FSTL4: variants seen among roughly 807,000 people sequenced by gnomAD.
The protein encoded by FSTL4 is follistatin like 4.
Under a neutral mutation model 78.2 loss-of-function variants are expected in FSTL4, and 28 were observed. That is an observed-to-expected ratio of 0.36 (90% CI 0.27 to 0.49). FSTL4 has a LOEUF of 0.49. FSTL4 is among the 20% of genes least tolerant of loss of function. The probability of loss-of-function intolerance (pLI) is 0.98; values close to 1 mark genes in which losing one functional copy is unlikely to be tolerated. For synonymous variants in FSTL4, 422 were observed against 440.5 expected (o/e 0.96, Z 0.53); for missense variants, 922 against 1,084.9 (o/e 0.85, Z 2.11).
the FSTL4 span, among the ~76,000 whole-genome samples, chr5:133,776,348 C>T: frequency 6.6e-6 from 1 of 152,270 alleles, no homozygotes; most frequent in African/African-American, 2.4e-5. Context: ...TGTTTGGCAG[C>T]CTCTCTCTTA....
chr5:133,691,931 A>G, the FSTL4 span, among the ~76,000 whole-genome samples: 30 of 152,310 alleles, frequency 2.0e-4, no homozygotes, highest in Admixed American at 3.3e-4. Context: ...TGTGCAACCT[A>G]TTATATACAA....
At chr5:133,684,760 G>A in the FSTL4 span, among the ~76,000 whole-genome samples, 3 of 152,248 alleles carry the variant, frequency 2.0e-5, no homozygotes, top group East Asian at 1.9e-4. Context: ...TATCACCCAC[G>A]GTGATGGCAG....
intron 3 of FSTL4, among the ~76,000 whole-genome samples, chr5:133,511,419 C>A (rs1002338427): frequency 6.6e-6 from 1 of 152,164 alleles, no homozygotes; most frequent in Non-Finnish European, 1.5e-5. Context: ...TTACCATACC[C>A]ACAGCCTCTT....
At chr5:133,674,599 G>A in the FSTL4 span, among the ~76,000 whole-genome samples, 8,535 of 149,644 alleles carry the variant, frequency 0.057, 288 homozygotes, top group South Asian at 0.11. Context: ...GTGTGTGTGT[G>A]TGTGTGTGTG....
chr5:133,248,546 A>G (rs769054930), intron 7 of FSTL4: 2 of 152,272 alleles, frequency 1.3e-5, no homozygotes, highest in Admixed American at 6.5e-5. Context: ...GGACCAATAA[A>G]TATCCTTGAA....
chr5:133,570,665 T>TA (rs896419904), intron 2 of FSTL4, among the ~76,000 whole-genome samples: 7 of 152,098 alleles, frequency 4.6e-5, no homozygotes, highest in Non-Finnish European at 7.4e-5. Flanking sequence ...CTTTGTGCCA[T>TA]AAAAAAGTAG....
At chr5:133,442,178 T>C (rs918380681) in intron 3 of FSTL4, among the ~76,000 whole-genome samples, 3 of 152,226 alleles carry the variant, frequency 2.0e-5, no homozygotes, top group Admixed American at 6.5e-5. Flanking sequence ...CAATGGCTAA[T>C]TGGCTAAGGA....
chr5:133,480,750 G>A (rs541909291), intron 3 of FSTL4, among the ~76,000 whole-genome samples: 3 of 152,040 alleles, frequency 2.0e-5, no homozygotes, highest in Non-Finnish European at 2.9e-5. Flanking sequence ...CCTCTGCTCC[G>A]GATGCTGCCA....
intron 4 of FSTL4, among the ~76,000 whole-genome samples, chr5:133,386,967 C>A (rs1363889780): frequency 6.6e-6 from 1 of 152,212 alleles, no homozygotes; most frequent in African/African-American, 2.4e-5. Flanking sequence ...TATTTGATGT[C>A]TGCGGTAACT....
At chr5:133,528,409 C>T (rs1759180029) in intron 3 of FSTL4, among the ~76,000 whole-genome samples, 1 of 152,226 alleles carries the variant, frequency 6.6e-6, no homozygotes, top group Admixed American at 6.5e-5. Flanking sequence ...CCCTGCCCCA[C>T]CCTGCCCCAC....
intron 2 of FSTL4, among the ~76,000 whole-genome samples, chr5:133,581,248 G>A (rs900019748): frequency 1.3e-5 from 2 of 152,176 alleles, no homozygotes; most frequent in Admixed American, 1.3e-4. Context: ...GCCCCCAGTG[G>A]TCAGCAGAGC....
intron 12 of FSTL4, among the ~76,000 whole-genome samples, chr5:133,217,982 C>A (rs1000136891): frequency 1.3e-5 from 2 of 152,154 alleles, no homozygotes; most frequent in African/African-American, 4.8e-5. Context: ...CTCATTGAAA[C>A]CTATGGCTTT....
At chr5:133,820,843 CT>C in the FSTL4 span, among the ~76,000 whole-genome samples, 1 of 152,112 alleles carries the variant, frequency 6.6e-6, no homozygotes, top group Non-Finnish European at 1.5e-5. Context: ...CTGGGGACTT[CT>C]CAACTTGTTG....
chr5:133,605,231 A>C (rs1167795993), intron 1 of FSTL4, among the ~76,000 whole-genome samples: 4 of 152,168 alleles, frequency 2.6e-5, no homozygotes, highest in Non-Finnish European at 4.4e-5. Context: ...GGGGTTATTG[A>C]TTTCTGCTTG....
chr5:133,714,255 C>T, the FSTL4 span, among the ~76,000 whole-genome samples: 1 of 152,190 alleles, frequency 6.6e-6, no homozygotes, highest in African/African-American at 2.4e-5. Flanking sequence ...CCGTCTCTGG[C>T]AATGTAAAAT....
At chr5:133,657,342 G>A in the FSTL4 span, among the ~76,000 whole-genome samples, 2 of 152,198 alleles carry the variant, frequency 1.3e-5, no homozygotes, top group African/African-American at 4.8e-5. Context: ...ACTCTAAGAT[G>A]ACCAGGAAAA....
intron 4 of FSTL4, among the ~76,000 whole-genome samples, chr5:133,317,445 G>A (rs949026593): frequency 7.2e-5 from 11 of 152,194 alleles, no homozygotes; most frequent in African/African-American, 1.9e-4. Flanking sequence ...CCCACTTCCC[G>A]ACTCCCTGGG....
intron 6 of FSTL4, among the ~76,000 whole-genome samples, chr5:133,266,382 G>A (rs539996716): frequency 2.0e-5 from 3 of 152,246 alleles, no homozygotes; most frequent in Non-Finnish European, 2.9e-5. Context: ...CCTTGTACAC[G>A]CAGGGCAATT....
At chr5:133,333,844 C>T (rs1348242019) in intron 4 of FSTL4, among the ~76,000 whole-genome samples, 2 of 152,208 alleles carry the variant, frequency 1.3e-5, no homozygotes, top group Non-Finnish European at 2.9e-5. Flanking sequence ...ATCTATGTTG[C>T]AGGATGTTCT....
Sources: allele counts gnomAD v4.1 joint callset (sites outside exome capture counted in the v4.1 genomes callset), GRCh38; gene constraint gnomAD v4.1.1; transcripts MANE v1.5; gene names NCBI Gene and HGNC (gene_info 2026-07-23, HGNC 2026-07-21).